Variants in KCNQ5 observed in about 807,000 individuals in gnomAD.
KCNQ5 encodes the protein potassium voltage-gated channel subfamily Q member 5, also known as potassium voltage-gated channel subfamily KQT member 5.
A neutral mutation model predicts 98.2 loss-of-function variants in KCNQ5; 30 were observed. The observed-to-expected ratio is 0.31, with a 90% CI of 0.23 to 0.41. KCNQ5 has a LOEUF of 0.41. Ranked by LOEUF, KCNQ5 falls within the 10% of genes least tolerant of loss-of-function variation. The probability of loss-of-function intolerance (pLI) is 1.00; values close to 1 mark genes in which losing one functional copy is unlikely to be tolerated. For synonymous variants in KCNQ5, 458 were observed against 449.4 expected, an observed-to-expected ratio of 1.02 and a Z score of -0.24; for missense variants, 835 against 1,182.5, an observed-to-expected ratio of 0.71 and a Z score of 4.31.
At chr6:73,182,828 T>G (rs1778448073) in intron 11 of KCNQ5, among the ~76,000 whole-genome samples, 1 of 152,196 alleles carries the variant, frequency 6.6e-6, no homozygotes, top group African/African-American at 2.4e-5. Context: ...AAATATACCC[T>G]GTAAAGCAAA....
intron 10 of KCNQ5, chr6:73,157,602 C>A: frequency 1.3e-6 from 1 of 770,798 alleles, no homozygotes; most frequent in Non-Finnish European, 2.4e-6. Flanking sequence ...GCGGCGGCAA[C>A]GGTAGTGGCA....
chr6:72,745,478 C>T (rs1040928710), intron 1 of KCNQ5, among the ~76,000 whole-genome samples: 6 of 152,172 alleles, frequency 3.9e-5, no homozygotes, highest in Non-Finnish European at 2.9e-5. Context: ...AATCAGAGTA[C>T]TTGCAACTTT....
intron 1 of KCNQ5, among the ~76,000 whole-genome samples, chr6:72,761,968 T>C (rs1772305835): frequency 6.6e-6 from 1 of 152,070 alleles, no homozygotes; most frequent in Non-Finnish European, 1.5e-5. Flanking sequence ...TTTCTTCTCC[T>C]GTTGTAGTGG....
In KCNQ5 at chr6:72,874,959, C is replaced by A. The variant is rs1189954091; in HGVS notation, c.399-128949C>A. On this transcript the variant is annotated intron_variant, in intron 1 of 13. Coordinates refer to ENST00000370398, the MANE Select transcript of KCNQ5 (RefSeq NM_019842.4). ...GTACACATTTTTTCCAATAATGTTA[C>A]CGTTAATGAAAATACTTTGGGGATG... is the stretch of plus-strand genomic sequence containing the variant. Among the ~76,000 whole-genome samples, 3 of 152,044 alleles carry A rather than the reference C, an allele frequency of 2.0e-5. No individual in the cohort carries two copies. The East Asian group carries it at 5.8e-4, about 29-fold the overall frequency.
At chr6:72,832,103 T>C (rs937705349) in intron 1 of KCNQ5, among the ~76,000 whole-genome samples, 5 of 152,000 alleles carry the variant, frequency 3.3e-5, no homozygotes, top group African/African-American at 1.2e-4. Context: ...ACAGACAGAA[T>C]TGGGATTTGG....
chr6:73,150,262 G>C lies in KCNQ5; in HGVS notation c.1468+16621G>C, dbSNP rs76579359. Among the ~76,000 whole-genome samples, 8 of 151,852 alleles carry C rather than the reference G, an allele frequency of 5.3e-5. No homozygotes were observed. The East Asian group carries it at 1.4e-3, about 26-fold the overall frequency. On this transcript the variant is annotated intron_variant, in intron 10 of 13. Coordinates refer to ENST00000370398, the MANE Select transcript of KCNQ5 (RefSeq NM_019842.4). The stretch of plus-strand genomic sequence containing the variant: ...GCCGGATCACTTACACATTGCTGGT[G>C]GGAAAACAGTTTAGTAGTTTCTTAA...
chr6:73,024,243 C>T (rs1365699657), intron 2 of KCNQ5, among the ~76,000 whole-genome samples: 1 of 151,998 alleles, frequency 6.6e-6, no homozygotes, highest in Non-Finnish European at 1.5e-5. Flanking sequence ...CAACCACTGA[C>T]ACAAGCACCT....
intron 10 of KCNQ5, chr6:73,157,649 G>T (rs1287562117): frequency 3.9e-6 from 3 of 775,300 alleles, no homozygotes; most frequent in Admixed American, 3.4e-5. Context: ...GATGGCTGGG[G>T]TCAGCTCTGT....
intron 3 of KCNQ5, among the ~76,000 whole-genome samples, chr6:73,048,197 T>C (rs1345083469): frequency 6.6e-6 from 1 of 152,174 alleles, no homozygotes; most frequent in Non-Finnish European, 1.5e-5. Flanking sequence ...GAGGCTACCT[T>C]AGCTTGGGTG....
intron 1 of KCNQ5, among the ~76,000 whole-genome samples, chr6:72,942,465 G>A (rs908424464): frequency 2.0e-5 from 3 of 152,110 alleles, no homozygotes; most frequent in Non-Finnish European, 2.9e-5. Flanking sequence ...GTAGACATAA[G>A]GAGGCTCAAA....
intron 1 of KCNQ5, among the ~76,000 whole-genome samples, chr6:72,651,252 C>T (rs1264643632): frequency 2.6e-5 from 4 of 151,962 alleles, no homozygotes; most frequent in East Asian, 3.9e-4. Flanking sequence ...CTAACAGGTC[C>T]AGACAGCTGG....
At chr6:72,896,526 C>T (rs141835558) in intron 1 of KCNQ5, among the ~76,000 whole-genome samples, 4 of 152,038 alleles carry the variant, frequency 2.6e-5, no homozygotes, top group East Asian at 1.9e-4. Context: ...GCTGTAATTG[C>T]GGAGATTCAG....
At chr6:73,057,833 T>C (rs1772592843) in intron 3 of KCNQ5, among the ~76,000 whole-genome samples, 1 of 152,234 alleles carries the variant, frequency 6.6e-6, no homozygotes, top group South Asian at 2.1e-4. Context: ...AAGTATCACA[T>C]TGTGTGACTT....
chr6:72,812,239 G>A (rs1269670114), intron 1 of KCNQ5, among the ~76,000 whole-genome samples: 2 of 152,096 alleles, frequency 1.3e-5, no homozygotes, highest in South Asian at 2.1e-4. Context: ...TAGTCCTGCC[G>A]ACCTCCTGTC....
At chr6:72,851,577 G>A (rs1404239888) in intron 1 of KCNQ5, among the ~76,000 whole-genome samples, 2 of 151,918 alleles carry the variant, frequency 1.3e-5, no homozygotes, top group South Asian at 4.2e-4. Context: ...TCTGAAGAAG[G>A]CATGTAGAAG....
intron 1 of KCNQ5, among the ~76,000 whole-genome samples, chr6:72,960,879 G>A (rs1185779017): frequency 6.6e-6 from 1 of 152,246 alleles, no homozygotes; most frequent in Non-Finnish European, 1.5e-5. Context: ...CCATACTTCA[G>A]AGGTGGGAGG....
intron 1 of KCNQ5, among the ~76,000 whole-genome samples, chr6:72,737,412 G>A (rs1329415217): frequency 6.6e-6 from 1 of 151,534 alleles, no homozygotes; most frequent in Non-Finnish European, 1.5e-5. Context: ...GCCTCTGGTG[G>A]GACAACAATA....
intron 1 of KCNQ5, among the ~76,000 whole-genome samples, chr6:72,876,743 A>C (rs1778422982): frequency 6.6e-6 from 1 of 152,214 alleles, no homozygotes; most frequent in African/African-American, 2.4e-5. Flanking sequence ...TCATACTATC[A>C]AGAGTTAAAA....
intron 1 of KCNQ5, among the ~76,000 whole-genome samples, chr6:72,861,150 C>T (rs982466721): frequency 2.0e-5 from 3 of 151,998 alleles, no homozygotes; most frequent in Non-Finnish European, 2.9e-5. Context: ...CCTTCAAGGA[C>T]GTGATGAGAA....
Sources: allele counts gnomAD v4.1 joint callset (sites outside exome capture counted in the v4.1 genomes callset), GRCh38; gene constraint gnomAD v4.1.1; transcripts MANE v1.5; gene names NCBI Gene and HGNC (gene_info 2026-07-23, HGNC 2026-07-21).